Variants in SRRM3 observed in about 807,000 individuals in gnomAD.
SRRM3 encodes the protein serine/arginine repetitive matrix 3, also known as serine/arginine repetitive matrix protein 3.
In SRRM3, 27 loss-of-function variants were observed where a neutral mutation model predicts 66.2. The observed-to-expected ratio is 0.41, with a 90% CI of 0.30 to 0.56. The LOEUF is 0.56. Ranked by LOEUF, SRRM3 falls within the 20% of genes least tolerant of loss-of-function variation. The probability of loss-of-function intolerance (pLI) is 0.32; values close to 1 mark genes in which losing one functional copy is unlikely to be tolerated. For missense variants in SRRM3, 918 were observed against 991.9 expected, an observed-to-expected ratio of 0.93 and a Z score of 1.00; for synonymous variants, 391 against 414.9, an observed-to-expected ratio of 0.94 and a Z score of 0.70.
At chr7:76,254,918 G>A (rs1801669122) in intron 3 of SRRM3, among the ~76,000 whole-genome samples, 1 of 151,940 alleles carries the variant, frequency 6.6e-6, no homozygotes. Context: ...TTTAAACAAA[G>A]GAATGTGGGG....
At chr7:76,209,604 AT>A (rs11290590) in intron 1 of SRRM3, among the ~76,000 whole-genome samples, 53,910 of 136,784 alleles carry the variant, frequency 0.39, 10,210 homozygotes, top group Middle Eastern at 0.58. Flanking sequence ...AAGAGTTGGA[AT>A]TTTTTTTTTT....
intron 8 of SRRM3, among the ~76,000 whole-genome samples, chr7:76,263,152 C>A (rs1801924051): frequency 6.6e-6 from 1 of 152,180 alleles, no homozygotes. Context: ...TTACACACAC[C>A]CTCTGGCCAG....
intron 11 of SRRM3, among the ~76,000 whole-genome samples, chr7:76,271,267 CAGACTGACTGGTCAACAGAACA>C (rs1802205395): frequency 6.6e-6 from 1 of 151,894 alleles, no homozygotes; most frequent in South Asian, 2.1e-4. Flanking sequence ...CCTGCAGTTC[CAGACTGACTGGTCAACAGAACA>C]AGACTGTATC....
At chr7:76,265,298 T>C in intron 9 of SRRM3, 66 bp from the exon 10 acceptor site, 1 of 1,289,190 alleles carries the variant, frequency 7.8e-7, no homozygotes, top group Admixed American at 2.2e-5. Flanking sequence ...GCTGGGCAAC[T>C]TGGGGGCTGG....
intron 1 of SRRM3, among the ~76,000 whole-genome samples, chr7:76,220,475 C>T (rs992443469): frequency 9.9e-5 from 15 of 152,168 alleles, no homozygotes; most frequent in Non-Finnish European, 1.5e-4. Flanking sequence ...GGCACATTGC[C>T]AGCTAAGCCA....
chr7:76,261,119 G>A (rs1273598099), intron 6 of SRRM3, among the ~76,000 whole-genome samples: 1 of 151,376 alleles, frequency 6.6e-6, no homozygotes, highest in Non-Finnish European at 1.5e-5. Flanking sequence ...AATGCCAGGG[G>A]GGACATTGTT....
Position 76,281,660 on chromosome 7 carries a change from C to A in SRRM3, c.1228C>A (p.Arg410Ser). 1.0e-6 allele frequency: 1 copy of A among 977,572 alleles called. No individual in the cohort carries two copies. Among genetic ancestry groups the A allele is most frequent in the Non-Finnish European group, 1.2e-6 (1 of 824,770 alleles). 60.6% of individuals were successfully genotyped at this position (977,572 alleles called of 1,614,324 possible). The change falls in exon 12 of 15, where the codon CGC (arginine) becomes AGC (serine). Residue 410 changes from arginine (R) to serine (S), a missense_variant. Coordinates refer to ENST00000611745, the MANE Select transcript of SRRM3 (RefSeq NM_001110199.3). ...ASAPRRRGRR[R>S]PRPAPPRGSS... The stretch of plus-strand genomic sequence containing the variant: ...CGCGCCCCGCCGCAGGGGTCGCCGG[C>A]GCCCCCGGCCCGCGCCCCCCCGGGG...
rs1554609407 is a variant in SRRM3 at position 76,265,470 on chromosome 7, TAG to T, written c.830+3_830+4del. ...CAGTGATTCCAGATCTCCCAGCAGG[TAG>T]GCCTGGGCCTCTGGGAGGCTTTCTC... On this transcript the variant is annotated splice_donor_region_variant and intron_variant, in intron 10 of 14. Coordinates refer to ENST00000611745, the MANE Select transcript of SRRM3 (RefSeq NM_001110199.3). 2.5e-6 allele frequency: 4 copies of T among 1,598,570 alleles called. No homozygotes were observed. Among genetic ancestry groups the T allele is most frequent in the African/African-American group, 1.3e-5 (1 of 74,180 alleles).
At chr7:76,203,585 T>G (rs1554600826) in intron 1 of SRRM3, among the ~76,000 whole-genome samples, 1 of 152,156 alleles carries the variant, frequency 6.6e-6, no homozygotes, top group Non-Finnish European at 1.5e-5. Context: ...TGAAGCACAT[T>G]TTTCTGTTCC....
chr7:76,206,008 C>T (rs1430155925), intron 1 of SRRM3, among the ~76,000 whole-genome samples: 1 of 152,100 alleles, frequency 6.6e-6, no homozygotes, highest in Non-Finnish European at 1.5e-5. Context: ...GGTCAAAACC[C>T]ATTTTTTAAA....
chr7:76,266,266 ATATTTAATTATAT>A (rs1331597028), intron 10 of SRRM3, among the ~76,000 whole-genome samples: 1 of 119,396 alleles, frequency 8.4e-6, no homozygotes, highest in Admixed American at 1.0e-4. Context: ...TAATATATTT[ATATTTAATTATAT>A]TATATATTTA....
chr7:76,238,851 G>A (rs564927662), intron 2 of SRRM3, among the ~76,000 whole-genome samples: 9 of 152,062 alleles, frequency 5.9e-5, no homozygotes, highest in East Asian at 3.9e-4. Context: ...TAGTAGAGAC[G>A]GGGTTTCACC....
intron 1 of SRRM3, among the ~76,000 whole-genome samples, chr7:76,233,145 A>G (rs1243718097): frequency 6.6e-6 from 1 of 152,210 alleles, no homozygotes; most frequent in African/African-American, 2.4e-5. Context: ...TCTACAAAAA[A>G]AAATTCTTTG....
chr7:76,234,426 G>A (rs924503418), intron 1 of SRRM3, among the ~76,000 whole-genome samples: 13 of 152,222 alleles, frequency 8.5e-5, no homozygotes, highest in African/African-American at 1.4e-4. Flanking sequence ...GGTGAGCCCC[G>A]CTTATCTGGA....
In SRRM3 at chr7:76,260,023, C is replaced by T. The variant is rs1258407143; in HGVS notation, c.453C>T (p.His151=). Residue 151 remains histidine (H), a synonymous_variant, in exon 4 of 15, where the codon CAC becomes CAT. Coordinates refer to ENST00000611745, the MANE Select transcript of SRRM3 (RefSeq NM_001110199.3). The part of the protein sequence containing the change: ...CDCPASCYRG[H]RGYRTKHWSS... ...GCCCGGCCTCCTGCTACCGCGGCCA[C>T]CGCGGGTACAGGTCAGCGGCCGCCG... 1.0e-5 allele frequency: 16 copies of T among 1,565,990 alleles called. No homozygotes were observed. The highest frequency in any genetic ancestry group is 1.4e-5 in the Non-Finnish European group (16 of 1,160,900).
intron 3 of SRRM3, among the ~76,000 whole-genome samples, chr7:76,250,154 C>T (rs1801540953): frequency 6.6e-6 from 1 of 152,094 alleles, no homozygotes; most frequent in Non-Finnish European, 1.5e-5. Context: ...AGCTATTCTC[C>T]TGCCTCAGCC....
intron 2 of SRRM3, among the ~76,000 whole-genome samples, chr7:76,236,064 G>A (rs1455715686): frequency 1.4e-5 from 2 of 142,192 alleles, no homozygotes; most frequent in Non-Finnish European, 3.0e-5. Flanking sequence ...TGTAATCTCA[G>A]CACTTTGGGA....
At chr7:76,255,555 C>T (rs532753951) in intron 3 of SRRM3, among the ~76,000 whole-genome samples, 4 of 152,136 alleles carry the variant, frequency 2.6e-5, no homozygotes, top group Non-Finnish European at 5.9e-5. Context: ...CATCTTCTGG[C>T]CCCAGCCTCC....
intron 1 of SRRM3, among the ~76,000 whole-genome samples, chr7:76,222,010 G>T (rs1372224045): frequency 6.6e-6 from 1 of 152,146 alleles, no homozygotes; most frequent in South Asian, 2.1e-4. Flanking sequence ...AAGTCACTAC[G>T]CACACATAGT....
Sources: allele counts gnomAD v4.1 joint callset (sites outside exome capture counted in the v4.1 genomes callset), GRCh38; gene constraint gnomAD v4.1.1; transcripts MANE v1.5; gene names NCBI Gene and HGNC (gene_info 2026-07-23, HGNC 2026-07-21).